The following S100PBP variants were observed in gnomAD, a reference collection of about 807,000 sequenced individuals.
S100PBP encodes the protein S100P binding protein, also known as S100P-binding protein.
In S100PBP, 15 loss-of-function variants were observed where a neutral mutation model predicts 39.9. The observed-to-expected ratio is 0.38, with a 90% CI of 0.25 to 0.58. The LOEUF is 0.58. Ranked by LOEUF, S100PBP falls within the 20% of genes least tolerant of loss-of-function variation. The pLI, the probability that S100PBP is intolerant of heterozygous loss-of-function variation, is 0.70. For missense variants in S100PBP, 504 were observed against 487.3 expected (o/e 1.03, Z -0.32); for synonymous variants, 178 against 180.3 (o/e 0.99, Z 0.10).
rs771602415 is a variant in S100PBP at position 32,846,357 on chromosome 1, CT to C, written c.1025-6707del. Reference sequence around the variant, plus strand: ...GCATATAATTGGTAGCTGGGTCTTGCTTTTTTTTTTTTTTTCCAGTCTCACA... The same window carrying C: ...GCATATAATTGGTAGCTGGGTCTTGCTTTTTTTTTTTTTTCCAGTCTCACA... On this transcript the variant is annotated intron_variant, in intron 5 of 6. Transcript: ENST00000373475. Among the ~76,000 whole-genome samples, 742 of 136,394 alleles carry C rather than the reference CT, an allele frequency of 5.4e-3. 3 individuals are homozygous for C. Among genetic ancestry groups the C allele is most frequent in the East Asian group, 0.019 (89 of 4,784 alleles). 89.5% of individuals were successfully genotyped at this position (136,394 alleles called of 152,430 possible).
At chr1:32,822,562 A>G (rs1450456544) in intron 1 of S100PBP, among the ~76,000 whole-genome samples, 1 of 147,902 alleles carries the variant, frequency 6.8e-6, no homozygotes, top group Non-Finnish European at 1.5e-5. Flanking sequence ...CAGAGCTTGC[A>G]GTGAGCCGAG....
intron 5 of S100PBP, among the ~76,000 whole-genome samples, chr1:32,839,753 TC>T (rs754182860): frequency 1.2e-4 from 18 of 152,174 alleles, no homozygotes; most frequent in Non-Finnish European, 2.5e-4. Context: ...CAAACTATCC[TC>T]CCACCCCAGC....
chr1:32,817,531 A>G (rs1200113840), upstream of S100PBP: 12 of 577,012 alleles, frequency 2.1e-5, no homozygotes, highest in Non-Finnish European at 3.4e-5. Flanking sequence ...ACCCTCCTAG[A>G]GGCGGGACGG....
intron 5 of S100PBP, among the ~76,000 whole-genome samples, chr1:32,831,753 A>G (rs1332338869): frequency 6.6e-6 from 1 of 152,076 alleles, no homozygotes; most frequent in African/African-American, 2.4e-5. Flanking sequence ...AAACCTGTCT[A>G]TATTCAAGCT....
At chr1:32,832,972 T>A (rs1639665306) in intron 5 of S100PBP, among the ~76,000 whole-genome samples, 1 of 148,610 alleles carries the variant, frequency 6.7e-6, no homozygotes, top group African/African-American at 2.6e-5. Context: ...CTCTTTAGTT[T>A]AGTGCCCCAT....
In S100PBP at chr1:32,858,128, A is replaced by T. The variant is rs1232061690; in HGVS notation, c.*2090A>T. The T allele has an allele frequency of 6.6e-6, 1 of 152,616 alleles. No individual in the cohort carries two copies. The highest frequency in any genetic ancestry group is 1.5e-5 in the Non-Finnish European group (1 of 68,032). The allele number at this position is 152,616 out of a possible 1,614,324, so 9.5% of individuals were successfully genotyped here. ...TTGGAATAGCTAGCATTGCAGCTACAGTAGGGAACTGTAGTCTAGTTCCCT... is the reference window on the plus strand; with the variant it reads ...TTGGAATAGCTAGCATTGCAGCTACTGTAGGGAACTGTAGTCTAGTTCCCT... On this transcript the variant is annotated 3_prime_UTR_variant, in exon 7 of 7. Transcript: ENST00000373475.
intron 5 of S100PBP, among the ~76,000 whole-genome samples, chr1:32,851,277 G>A (rs1460011176): frequency 3.3e-5 from 5 of 152,128 alleles, no homozygotes; most frequent in South Asian, 2.1e-4. Context: ...AGCCTACTGA[G>A]ACTGCTTTTG....
intron 5 of S100PBP, among the ~76,000 whole-genome samples, chr1:32,831,738 A>G (rs1232273169): frequency 3.9e-5 from 6 of 152,034 alleles, no homozygotes; most frequent in Admixed American, 1.3e-4. Flanking sequence ...GGGCAAATTT[A>G]AAAGAAACCT....
At chr1:32,847,804 C>CT (rs1010752886) in intron 5 of S100PBP, 1 of 151,964 alleles carries the variant, frequency 6.6e-6, no homozygotes, top group African/African-American at 2.4e-5. Context: ...AGCAGTAGCC[C>CT]ATGTCCCCTG....
In S100PBP at chr1:32,837,522, G is replaced by A. The variant is rs188102382; in HGVS notation, c.1024+7455G>A. Among the ~76,000 whole-genome samples the A allele has an allele frequency of 1.3e-3, 184 of 141,556 alleles. 1 individual carries two copies. Among genetic ancestry groups the A allele is most frequent in the African/African-American group, 3.7e-3 (140 of 38,160 alleles). The allele number at this position is 141,556 out of a possible 152,430, so 92.9% of individuals were successfully genotyped here. ...GGAGGTTGCGGTGAGCCGAGATCGC[G>A]CCATTGCACTCCGGCCTGGGCAACA... On this transcript the variant is annotated intron_variant, in intron 5 of 6. Transcript: ENST00000373475.
intron 5 of S100PBP, among the ~76,000 whole-genome samples, chr1:32,846,464 GTTAC>G (rs997637120): frequency 3.0e-4 from 45 of 150,962 alleles, no homozygotes; most frequent in Admixed American, 1.9e-3. Context: ...CTGCCATCGT[GTTAC>G]TTGTTTTCTA....
chr1:32,850,716 T>G (rs1640573508), intron 5 of S100PBP, among the ~76,000 whole-genome samples: 1 of 152,276 alleles, frequency 6.6e-6, no homozygotes, highest in African/African-American at 2.4e-5. Flanking sequence ...AATATATTTT[T>G]CATTTTGTCA....
intron 6 of S100PBP, among the ~76,000 whole-genome samples, 192 bp downstream of exon 6, chr1:32,853,358 C>G (rs1557517078): frequency 6.6e-6 from 1 of 151,658 alleles, no homozygotes. Context: ...TCTGTAGTCC[C>G]AGCCTCAGGA....
At chr1:32,849,318 G>A (rs1476706058) in intron 5 of S100PBP, among the ~76,000 whole-genome samples, 2 of 152,036 alleles carry the variant, frequency 1.3e-5, no homozygotes, top group Non-Finnish European at 2.9e-5. Context: ...GGTACTTTTT[G>A]TAGAGACGGG....
chr1:32,823,810 G>T (rs1639193085), intron 1 of S100PBP, among the ~76,000 whole-genome samples: 1 of 152,182 alleles, frequency 6.6e-6, no homozygotes, highest in Non-Finnish European at 1.5e-5. Context: ...CATTATGAGG[G>T]CAGGAGCTAT....
At chr1:32,827,252 G>A (rs949587092) in intron 3 of S100PBP, among the ~76,000 whole-genome samples, 1 of 152,082 alleles carries the variant, frequency 6.6e-6, no homozygotes, top group Admixed American at 6.5e-5. Flanking sequence ...CACCTGGCAC[G>A]TAATATTAAA....
chr1:32,817,697 G>A lies in S100PBP; in HGVS notation c.-120+8G>A, dbSNP rs1238225175. 4.4e-6 allele frequency: 1 copy of A among 228,386 alleles called. No homozygotes were observed. The highest frequency in any genetic ancestry group is 9.0e-6 in the Non-Finnish European group (1 of 111,050). 14.1% of individuals were successfully genotyped at this position (228,386 alleles called of 1,614,324 possible). On this transcript the variant is annotated splice_region_variant and intron_variant, in intron 1 of 6. Transcript: ENST00000373475. ...TTGGCCCGGCTTCCGGAGGTGAAGA[G>A]CGGGAGGGACGAGGGGGTCGGCGTT... is the stretch of plus-strand genomic sequence containing the variant.
chr1:32,819,041 G>A (rs558085262), intron 1 of S100PBP, among the ~76,000 whole-genome samples: 18 of 152,226 alleles, frequency 1.2e-4, no homozygotes, highest in Non-Finnish European at 2.5e-4. Context: ...GTAAGGCTTT[G>A]TGCTCGAAGG....
At chr1:32,842,419 A>T (rs1047334808) in intron 5 of S100PBP, among the ~76,000 whole-genome samples, 8 of 151,714 alleles carry the variant, frequency 5.3e-5, no homozygotes, top group African/African-American at 1.9e-4. Flanking sequence ...TCCAGGAAAA[A>T]AAAGACTAAT....
Sources: allele counts gnomAD v4.1 joint callset (sites outside exome capture counted in the v4.1 genomes callset), GRCh38; gene constraint gnomAD v4.1.1; transcripts MANE v1.5; gene names NCBI Gene and HGNC (gene_info 2026-07-23, HGNC 2026-07-21).